The following CSMD1 variants were observed in gnomAD, a reference collection of about 807,000 sequenced individuals.
CSMD1 encodes the protein CUB and Sushi multiple domains 1, also known as CUB and sushi domain-containing protein 1.
In CSMD1, 213 loss-of-function variants were observed where a neutral mutation model predicts 417.5. That is an observed-to-expected ratio of 0.51 (90% confidence interval 0.46 to 0.57). The LOEUF is 0.57. Ranked by LOEUF, CSMD1 falls within the 20% of genes least tolerant of loss-of-function variation. The pLI, the probability that CSMD1 is intolerant of heterozygous loss-of-function variation, is 0.00. For synonymous variants in CSMD1, 2,862 were observed against 1,736.8 expected, an observed-to-expected ratio of 1.65 and a Z score of -16.11; for missense variants, 6,923 against 4,529.7, an observed-to-expected ratio of 1.53 and a Z score of -15.17.
At chr8:3,995,768 T>C (rs75356786) in intron 5 of CSMD1, among the ~76,000 whole-genome samples, 10,299 of 152,230 alleles carry the variant, frequency 0.068, 703 homozygotes, top group African/African-American at 0.16. Flanking sequence ...AGAATACAAG[T>C]ATAAATACAA....
chr8:3,887,817 C>T (rs180906727), intron 5 of CSMD1, among the ~76,000 whole-genome samples: 3 of 152,262 alleles, frequency 2.0e-5, no homozygotes, highest in East Asian at 3.9e-4. Context: ...TGTCTGCCTC[C>T]GTTTGTTCAT....
intron 1 of CSMD1, among the ~76,000 whole-genome samples, chr8:4,712,564 A>C (rs1808377389): frequency 6.6e-6 from 1 of 152,242 alleles, no homozygotes. Flanking sequence ...AATAGAAGAG[A>C]ACAGAAAGAA....
At chr8:4,130,155 A>G (rs1803009850) in intron 3 of CSMD1, among the ~76,000 whole-genome samples, 1 of 152,230 alleles carries the variant, frequency 6.6e-6, no homozygotes, top group South Asian at 2.1e-4. Flanking sequence ...TTTTACTGAA[A>G]AAGACCCAAC....
At chr8:2,965,011 T>C (rs1170391284) in intron 59 of CSMD1, among the ~76,000 whole-genome samples, 2 of 152,206 alleles carry the variant, frequency 1.3e-5, no homozygotes, top group Non-Finnish European at 2.9e-5. Flanking sequence ...GTTTGGTCAC[T>C]GACAGCTTTC....
At chr8:4,335,604 T>C (rs1800118557) in intron 3 of CSMD1, among the ~76,000 whole-genome samples, 1 of 152,260 alleles carries the variant, frequency 6.6e-6, no homozygotes, top group South Asian at 2.1e-4. Flanking sequence ...AACTACTCTA[T>C]GATTATCATT....
At chr8:4,227,565 T>C (rs548647206) in intron 3 of CSMD1, among the ~76,000 whole-genome samples, 1 of 152,162 alleles carries the variant, frequency 6.6e-6, no homozygotes, top group Non-Finnish European at 1.5e-5. Flanking sequence ...AGCATAATTA[T>C]TCAGAAGAGA....
chr8:3,668,757 A>G (rs985383734), intron 7 of CSMD1, among the ~76,000 whole-genome samples: 2 of 152,194 alleles, frequency 1.3e-5, no homozygotes, highest in Non-Finnish European at 2.9e-5. Context: ...GAAGACCCAT[A>G]CTGAACATCC....
chr8:3,961,117 TA>T (rs1003187586), intron 5 of CSMD1, among the ~76,000 whole-genome samples: 1 of 152,234 alleles, frequency 6.6e-6, no homozygotes, highest in Non-Finnish European at 1.5e-5. Flanking sequence ...AGCTAATAAT[TA>T]AAAATTGCAT....
chr8:3,308,161 C>G (rs772027842), intron 24 of CSMD1, 151 bp downstream of exon 24: 5 of 647,600 alleles, frequency 7.7e-6, no homozygotes, highest in East Asian at 2.8e-5. Flanking sequence ...CACACACTCA[C>G]AGACACGTGC....
intron 15 of CSMD1, among the ~76,000 whole-genome samples, chr8:3,403,602 A>T (rs556706688): frequency 2.6e-5 from 4 of 152,338 alleles, no homozygotes; most frequent in South Asian, 4.1e-4. Flanking sequence ...ACATATCTGC[A>T]ATCAGCCTAT....
At chr8:4,578,331 C>CCTTTTTTTT (rs1799238185) in intron 2 of CSMD1, among the ~76,000 whole-genome samples, 1 of 54,354 alleles carries the variant, frequency 1.8e-5, no homozygotes, top group African/African-American at 9.8e-5. Flanking sequence ...ACACCCGGCT[C>CCTTTTTTTT]ATTTTTTTTT....
intron 1 of CSMD1, among the ~76,000 whole-genome samples, chr8:4,745,834 G>A (rs528646554): frequency 6.6e-6 from 1 of 152,218 alleles, no homozygotes; most frequent in South Asian, 2.1e-4. Flanking sequence ...TGAAGAAGAT[G>A]CAAAGAAAAT....
intron 23 of CSMD1, among the ~76,000 whole-genome samples, chr8:3,333,262 G>A (rs1334666349): frequency 2.0e-5 from 3 of 152,200 alleles, no homozygotes; most frequent in Non-Finnish European, 4.4e-5. Flanking sequence ...CTGGGCTCCT[G>A]ACCCACGGAT....
intron 57 of CSMD1, among the ~76,000 whole-genome samples, chr8:2,967,128 T>C (rs1206147842): frequency 6.6e-6 from 1 of 152,196 alleles, no homozygotes; most frequent in African/African-American, 2.4e-5. Flanking sequence ...AAAAAGAATA[T>C]CTATGATATT....
chr8:3,522,754 G>C (rs913929476), intron 10 of CSMD1, among the ~76,000 whole-genome samples: 4 of 151,886 alleles, frequency 2.6e-5, no homozygotes, highest in African/African-American at 9.7e-5. Context: ...GAACTACAAA[G>C]TGCTCTACCA....
chr8:4,155,709 C>T (rs911520929), intron 3 of CSMD1, among the ~76,000 whole-genome samples: 11 of 152,058 alleles, frequency 7.2e-5, no homozygotes, highest in African/African-American at 2.2e-4. Flanking sequence ...TGTTCTACTT[C>T]GTCAAATCAC....
At position 4,272,453 on chromosome 8, in the gene CSMD1, G is replaced by A. The variant is rs149620357; in HGVS notation, c.415+147500C>T. On this transcript the variant is annotated intron_variant, in intron 3 of 69. Coordinates refer to ENST00000635120, the MANE Select transcript of CSMD1 (RefSeq NM_033225.6). Reference sequence around the variant, plus strand: ...ACATAGGAAAAACTATCTAAAACCAGGATTCTATGAGTATATAGGCACAGA... The same window carrying A: ...ACATAGGAAAAACTATCTAAAACCAAGATTCTATGAGTATATAGGCACAGA... Among the ~76,000 whole-genome samples the A allele has an allele frequency of 5.9e-5, 9 of 152,124 alleles. No individual in the cohort carries two copies. The South Asian group carries it at 1.9e-3, about 32-fold the overall frequency.
intron 2 of CSMD1, among the ~76,000 whole-genome samples, chr8:4,448,098 CTA>C (rs1798923223): frequency 6.6e-6 from 1 of 152,098 alleles, no homozygotes; most frequent in African/African-American, 2.4e-5. Context: ...GTTCCCTTCT[CTA>C]TGTTCTTGAT....
In CSMD1 at chr8:3,989,590, A is replaced by C. The variant is rs143842269; in HGVS notation, c.818+8313T>G. ...CAAACAAGAAAGGGATTGCATTAAG[A>C]GATTTCTCAGGTGCCATCTATTTTA... is the stretch of plus-strand genomic sequence containing the variant. On this transcript the variant is annotated intron_variant, in intron 5 of 69. Coordinates refer to ENST00000635120, the MANE Select transcript of CSMD1 (RefSeq NM_033225.6). 6.1e-3 allele frequency among the ~76,000 whole-genome samples: 927 copies of C among 152,364 alleles called. 12 individuals carry two copies. The highest frequency in any genetic ancestry group is 0.022 in the African/African-American group (897 of 41,584).
Sources: allele counts gnomAD v4.1 joint callset (sites outside exome capture counted in the v4.1 genomes callset), GRCh38; gene constraint gnomAD v4.1.1; transcripts MANE v1.5; gene names NCBI Gene and HGNC (gene_info 2026-07-23, HGNC 2026-07-21).